Variants in CHMP2B observed in about 807,000 individuals in gnomAD.
CHMP2B encodes VPS2 homolog B.
Under a neutral mutation model 29.8 loss-of-function variants are expected in CHMP2B, and 22 were observed. The observed-to-expected ratio is 0.74, with a 90% CI of 0.53 to 1.05. CHMP2B has a LOEUF of 1.05. Ranked by LOEUF, CHMP2B falls within the 50% of genes least tolerant of loss-of-function variation. The pLI is 0.00. For missense variants in CHMP2B, 261 were observed against 252.2 expected (o/e 1.03, Z -0.24); for synonymous variants, 78 against 75.8 (o/e 1.03, Z -0.15).
At chr3:87,238,693 T>C (rs1706060304) in intron 1 of CHMP2B, among the ~76,000 whole-genome samples, 1 of 152,208 alleles carries the variant, frequency 6.6e-6, no homozygotes, top group Admixed American at 6.5e-5. Flanking sequence ...TTTGTTTATC[T>C]GTGCACCTCT....
chr3:87,242,711 G>A (rs1706140448), intron 2 of CHMP2B, among the ~76,000 whole-genome samples: 1 of 152,072 alleles, frequency 6.6e-6, no homozygotes. Flanking sequence ...CATAATTATT[G>A]CTGACACTTT....
Position 87,255,189 on chromosome 3 carries a change from A to ATG in CHMP2B, c.*1370_*1371dup, listed in dbSNP as rs541295956. The ATG allele has an allele frequency of 6.8e-4, 103 of 152,348 alleles. No individual in the cohort carries two copies. The highest frequency in any genetic ancestry group is 2.4e-3 in the African/African-American group (99 of 41,544). The allele number at this position is 152,348 out of a possible 1,614,324, so 9.4% of individuals were successfully genotyped here. A position where few individuals can be genotyped will look rare whatever the true frequency, so the allele number is the denominator to read the frequency against. On this transcript the variant is annotated 3_prime_UTR_variant, in exon 6 of 6. Transcript: ENST00000263780. Reference sequence around the variant, plus strand: ...AAAATACATCTTAGGACTAGTATACATGTGACACGGATTGCTAGGAGGAAT... The same window carrying ATG: ...AAAATACATCTTAGGACTAGTATACATGTGTGACACGGATTGCTAGGAGGAAT...
chr3:87,252,656 T>C (rs1050412251), intron 4 of CHMP2B, among the ~76,000 whole-genome samples: 1 of 151,994 alleles, frequency 6.6e-6, no homozygotes, highest in Admixed American at 6.6e-5. Context: ...TATACTCAAG[T>C]GTCAACTACC....
intron 1 of CHMP2B, among the ~76,000 whole-genome samples, chr3:87,229,204 T>C (rs1260559321): frequency 6.6e-6 from 1 of 152,190 alleles, no homozygotes; most frequent in Non-Finnish European, 1.5e-5. Flanking sequence ...TAGTGACTAT[T>C]GTACTTGAAG....
intron 2 of CHMP2B, among the ~76,000 whole-genome samples, chr3:87,243,591 G>C (rs1706160919): frequency 6.6e-6 from 1 of 151,976 alleles, no homozygotes; most frequent in Non-Finnish European, 1.5e-5. Context: ...ATGTGTGATA[G>C]GATTCATCAG....
rs1706356105 is a variant in CHMP2B at position 87,253,801 on chromosome 3, C to T, written c.621C>T (p.Leu207=). The change falls in exon 6 of 6, where the codon CTC becomes CTT. Residue 207 remains leucine (L), a synonymous_variant. Coordinates refer to ENST00000263780, the MANE Select transcript of CHMP2B (RefSeq NM_014043.4). The part of the protein sequence containing the change: ...TISDEEIERQ[L]KALGVD The stretch of plus-strand genomic sequence containing the variant: ...CAGATGAAGAGATTGAACGGCAACT[C>T]AAGGCTTTAGGAGTAGATTAGTCAA... The T allele has an allele frequency of 2.5e-6, 4 of 1,611,486 alleles. No individual in the cohort carries two copies. The highest frequency in any genetic ancestry group is 3.4e-6 in the Non-Finnish European group (4 of 1,178,280).
rs963135517 is a variant in CHMP2B at position 87,254,607 on chromosome 3, T to C, written c.*785T>C. On this transcript the variant is annotated 3_prime_UTR_variant, in exon 6 of 6. Coordinates refer to ENST00000263780, the MANE Select transcript of CHMP2B (RefSeq NM_014043.4). ...GCCTCTGTTAAAACAGACCAGGTTTTCCTGGTCTCAGACCTATGATGACTT... is the reference window on the plus strand; with the variant it reads ...GCCTCTGTTAAAACAGACCAGGTTTCCCTGGTCTCAGACCTATGATGACTT... The C allele has an allele frequency of 3.3e-5, 5 of 152,128 alleles. No homozygotes were observed. The highest frequency in any genetic ancestry group is 1.2e-4 in the African/African-American group (5 of 41,440). The allele number at this position is 152,128 out of a possible 1,614,324, so 9.4% of individuals were successfully genotyped here. A position where few individuals can be genotyped will look rare whatever the true frequency, so the allele number is the denominator to read the frequency against.
rs114410615 is a variant in CHMP2B, at chr3:87,231,214, C to A, written c.34+3658C>A. On this transcript the variant is annotated intron_variant, in intron 1 of 5. Coordinates refer to ENST00000263780, the MANE Select transcript of CHMP2B (RefSeq NM_014043.4). ...TCCAACAATTTGCTGAATATCTGTA[C>A]CTAGGTGTCTCACAGTACCTCAAAC... 6.5e-3 allele frequency among the ~76,000 whole-genome samples: 991 copies of A among 152,208 alleles called. 10 individuals carry two copies. The highest frequency in any genetic ancestry group is 0.023 in the African/African-American group (935 of 41,542).
intron 3 of CHMP2B, among the ~76,000 whole-genome samples, chr3:87,247,823 A>G (rs1017534422): frequency 1.3e-5 from 2 of 152,172 alleles, no homozygotes; most frequent in Non-Finnish European, 2.9e-5. Context: ...ATACTTAACA[A>G]AAATATATTG....
At position 87,249,859 on chromosome 3, in the gene CHMP2B, G is replaced by A. The variant is rs374217884; in HGVS notation, c.322-16G>A. ...TAATTATGGAAGTAACATGAATCTTGTAAATACATTTAAAGACAATGCAGG... is the reference window on the plus strand; with the variant it reads ...TAATTATGGAAGTAACATGAATCTTATAAATACATTTAAAGACAATGCAGG... On this transcript the variant is annotated splice_polypyrimidine_tract_variant and intron_variant, in intron 3 of 5. Transcript: ENST00000263780. 11 of 1,492,126 alleles carry A rather than the reference G, an allele frequency of 7.4e-6. No homozygotes were observed. The African/African-American group carries it at 8.3e-5, about 11-fold the overall frequency. 92.4% of individuals were successfully genotyped at this position (1,492,126 alleles called of 1,614,324 possible).
At chr3:87,245,173 G>A (rs1706187824) in intron 2 of CHMP2B, among the ~76,000 whole-genome samples, 1 of 151,976 alleles carries the variant, frequency 6.6e-6, no homozygotes, top group Admixed American at 6.6e-5. Context: ...TACGTATATA[G>A]CATATATTTT....
chr3:87,228,087 G>A (rs1705846243), intron 1 of CHMP2B, among the ~76,000 whole-genome samples: 1 of 152,094 alleles, frequency 6.6e-6, no homozygotes, highest in Non-Finnish European at 1.5e-5. Flanking sequence ...ATTAACCCCA[G>A]TAGAAAAATA....
At chr3:87,246,579 T>C (rs1471926456) in intron 3 of CHMP2B, among the ~76,000 whole-genome samples, 1 of 152,240 alleles carries the variant, frequency 6.6e-6, no homozygotes, top group Non-Finnish European at 1.5e-5. Flanking sequence ...TTTTGAGTGA[T>C]AATTTCCTCT....
intron 1 of CHMP2B, among the ~76,000 whole-genome samples, chr3:87,231,268 T>A (rs1488628698): frequency 6.6e-6 from 1 of 152,182 alleles, no homozygotes; most frequent in Non-Finnish European, 1.5e-5. Context: ...CTCATCATCA[T>A]ATCCTTTGAG....
intron 3 of CHMP2B, among the ~76,000 whole-genome samples, 166 bp from the exon 4 acceptor site, chr3:87,249,709 G>C (rs981689663): frequency 2.6e-5 from 4 of 151,928 alleles, no homozygotes; most frequent in Non-Finnish European, 5.9e-5. Context: ...GTTTCCAAAT[G>C]ACTATTTCAT....
chr3:87,250,717 A>G (rs770675359), intron 4 of CHMP2B, among the ~76,000 whole-genome samples: 21 of 151,956 alleles, frequency 1.4e-4, no homozygotes, highest in Admixed American at 2.6e-4. Flanking sequence ...ATGTTGGTCA[A>G]TAAGATTGTT....
chr3:87,253,538 A>G (rs370141207), intron 5 of CHMP2B, 28 bp downstream of exon 5: 27 of 1,482,324 alleles, frequency 1.8e-5, no homozygotes, highest in South Asian at 1.4e-4. Flanking sequence ...TCTTAGTTGG[A>G]AATAGTTTCT....
At chr3:87,245,678 A>T in intron 2 of CHMP2B, 36 bp from the exon 3 acceptor site, 1 of 1,556,052 alleles carries the variant, frequency 6.4e-7, no homozygotes. Flanking sequence ...CTACCCTTTA[A>T]TAATTTTATT....
intron 2 of CHMP2B, among the ~76,000 whole-genome samples, chr3:87,245,276 T>C (rs76359444): frequency 0.016 from 2,503 of 152,284 alleles, 27 homozygotes; most frequent in African/African-American, 0.034. Flanking sequence ...CGACAGTCTG[T>C]CTTACAGTTG....
Sources: allele counts gnomAD v4.1 joint callset (sites outside exome capture counted in the v4.1 genomes callset), GRCh38; gene constraint gnomAD v4.1.1; transcripts MANE v1.5; gene names NCBI Gene and HGNC (gene_info 2026-07-23, HGNC 2026-07-21).